Variants in RPS6KA6 observed in about 807,000 individuals in gnomAD.
RPS6KA6 encodes the protein ribosomal protein S6 kinase alpha-6.
In RPS6KA6, 27 loss-of-function variants were observed where a neutral mutation model predicts 65.4. The ratio of observed to expected loss-of-function variants is 0.41; its 90% CI spans 0.30 to 0.57. The LOEUF is 0.57. Among genes scored for constraint, RPS6KA6 ranks in the 20% least tolerant of loss-of-function variants. The probability of loss-of-function intolerance (pLI) is 0.24; values close to 1 mark genes in which losing one functional copy is unlikely to be tolerated. For synonymous variants in RPS6KA6, 190 were observed against 184.2 expected (o/e 1.03, Z -0.26); for missense variants, 486 against 555.6 (o/e 0.87, Z 1.26).
chrX:84,145,257 T>C (rs765089704), intron 6 of RPS6KA6, among the ~76,000 whole-genome samples: 11 of 111,317 alleles, frequency 9.9e-5, no homozygotes, highest in Admixed American at 1.9e-4. Flanking sequence ...GTATCTACTT[T>C]ATCCAGTTAT....
intron 20 of RPS6KA6, among the ~76,000 whole-genome samples, chrX:84,070,833 A>G (rs1238007644): frequency 9.0e-6 from 1 of 111,692 alleles, no homozygotes; most frequent in African/African-American, 3.3e-5. Flanking sequence ...AAATGAAAAA[A>G]TTTCAATAGT....
At chrX:84,129,095 T>C (rs913765431) in intron 8 of RPS6KA6, among the ~76,000 whole-genome samples, 1 of 111,136 alleles carries the variant, frequency 9.0e-6, no homozygotes, top group East Asian at 2.8e-4. Flanking sequence ...AAACTGCCCA[T>C]CTGACAAGGG....
chrX:84,108,561 C>T (rs754733293), intron 12 of RPS6KA6, among the ~76,000 whole-genome samples: 211 of 111,630 alleles, frequency 1.9e-3, no homozygotes, highest in Non-Finnish European at 3.5e-3. Context: ...AGGAGATCTT[C>T]GATGCAGGGA....
intron 9 of RPS6KA6, among the ~76,000 whole-genome samples, chrX:84,119,552 G>A (rs1451059782): frequency 9.0e-6 from 1 of 111,453 alleles, no homozygotes; most frequent in Non-Finnish European, 1.9e-5. Context: ...AAGGTGCTAA[G>A]TTCTGTAACA....
intron 6 of RPS6KA6, among the ~76,000 whole-genome samples, chrX:84,137,996 CA>C (rs1468243031): frequency 9.0e-6 from 1 of 111,706 alleles, no homozygotes; most frequent in Non-Finnish European, 1.9e-5. Context: ...CAATGGTCAA[CA>C]AAATATTTAG....
chrX:84,177,484 C>T (rs764476317), intron 1 of RPS6KA6, among the ~76,000 whole-genome samples: 30 of 111,741 alleles, frequency 2.7e-4, no homozygotes, highest in African/African-American at 9.4e-4. Flanking sequence ...AATTTAAACT[C>T]GGGCATTCTA....
At chrX:84,124,776 TAGAG>T (rs1381086078) in intron 8 of RPS6KA6, among the ~76,000 whole-genome samples, 2 of 111,574 alleles carry the variant, frequency 1.8e-5, no homozygotes, top group South Asian at 3.7e-4. Flanking sequence ...TCCCCAAACC[TAGAG>T]AAAGAAATAA....
intron 1 of RPS6KA6, among the ~76,000 whole-genome samples, chrX:84,173,898 C>T (rs1328819636): frequency 9.0e-6 from 1 of 111,521 alleles, no homozygotes; most frequent in East Asian, 2.8e-4. Flanking sequence ...CACTTTTGGT[C>T]AACGTGAAAT....
intron 1 of RPS6KA6, among the ~76,000 whole-genome samples, chrX:84,183,722 G>C (rs1192220180): frequency 1.8e-5 from 2 of 110,693 alleles, no homozygotes; most frequent in African/African-American, 6.6e-5. Flanking sequence ...CCTTTCATCT[G>C]TCTGTGAAAA....
chrX:84,158,565 C>G (rs1215722110), intron 2 of RPS6KA6, among the ~76,000 whole-genome samples: 1 of 110,893 alleles, frequency 9.0e-6, no homozygotes, highest in African/African-American at 3.3e-5. Flanking sequence ...AGCATATCTT[C>G]CCATACACTG....
Position 84,072,741 on chromosome X carries a change from A to G in RPS6KA6, c.1972-7630T>C, listed in dbSNP as rs185905352. Among the ~76,000 whole-genome samples the G allele has an allele frequency of 1.8e-3, 201 of 111,968 alleles. 2 individuals are homozygous for G. The highest frequency in any genetic ancestry group is 6.3e-3 in the African/African-American group (194 of 30,936). ...ACATACACAAATCACTAGCATTTCTATATGACAAGAGTGAACAGTCTGAAA... is the reference window on the plus strand; with the variant it reads ...ACATACACAAATCACTAGCATTTCTGTATGACAAGAGTGAACAGTCTGAAA... On this transcript the variant is annotated intron_variant, in intron 20 of 21. Coordinates refer to ENST00000262752, the MANE Select transcript of RPS6KA6 (RefSeq NM_014496.5).
intron 3 of RPS6KA6, among the ~76,000 whole-genome samples, chrX:84,150,756 C>A (rs1378156816): frequency 9.8e-6 from 1 of 102,144 alleles, no homozygotes; most frequent in African/African-American, 3.6e-5. Context: ...TGAAACACTG[C>A]AAGAATTACC....
At chrX:84,139,656 C>T (rs995019036) in intron 6 of RPS6KA6, among the ~76,000 whole-genome samples, 3 of 111,932 alleles carry the variant, frequency 2.7e-5, no homozygotes, top group African/African-American at 9.8e-5. Context: ...GGAAGTAAGA[C>T]ATTGAACTAC....
chrX:84,176,608 A>C (rs2035772888), intron 1 of RPS6KA6, among the ~76,000 whole-genome samples: 1 of 112,112 alleles, frequency 8.9e-6, no homozygotes, highest in Non-Finnish European at 1.9e-5. Flanking sequence ...TACAAAGTAC[A>C]ATTGTGTTAC....
At chrX:84,134,760 T>C (rs1556294500) in intron 8 of RPS6KA6, 22 bp downstream of exon 8, 3 of 1,037,132 alleles carry the variant, frequency 2.9e-6, no homozygotes, top group Non-Finnish European at 3.9e-6. Flanking sequence ...TGGCTAAGGG[T>C]ATAATAAGAA....
intron 6 of RPS6KA6, among the ~76,000 whole-genome samples, chrX:84,143,149 C>A (rs778673320): frequency 9.9e-5 from 11 of 110,917 alleles, no homozygotes; most frequent in Non-Finnish European, 2.1e-4. Flanking sequence ...TCCATAAATG[C>A]AAGGTTGGTT....
chrX:84,063,825 A>C lies in RPS6KA6; in HGVS notation c.*452T>G, dbSNP rs981049465. The C allele has an allele frequency of 2.7e-5, 3 of 112,116 alleles. No individual in the cohort carries two copies. Among genetic ancestry groups the C allele is most frequent in the African/African-American group, 9.7e-5 (3 of 30,784 alleles). 9.2% of individuals were successfully genotyped at this position (112,116 alleles called of 1,213,427 possible). ...TACGGAATAACAAGCTTTTATAATA[A>C]GTTTTTGTTGTTTTTCTTTCATTAG... On this transcript the variant is annotated 3_prime_UTR_variant, in exon 22 of 22. Transcript: ENST00000262752.
Position 84,059,843 on chromosome X carries a change from A to G in RPS6KA6, c.*4434T>C, listed in dbSNP as rs2033272842. On this transcript the variant is annotated 3_prime_UTR_variant, in exon 22 of 22. Transcript: ENST00000262752. ...TATATATATTTATTTATAAGCATTT[A>G]GCTAAAATTTATTTAGTGAATAATT... 8.9e-6 allele frequency: 1 copy of G among 112,220 alleles called. No homozygotes were observed. Among genetic ancestry groups the G allele is most frequent in the Non-Finnish European group, 1.9e-5 (1 of 53,251 alleles). The allele number at this position is 112,220 out of a possible 1,213,427, so 9.2% of individuals were successfully genotyped here. A position where few individuals can be genotyped will look rare whatever the true frequency, so the allele number is the denominator to read the frequency against.
rs1291237623 is a variant in RPS6KA6, at chrX:84,188,120, C to T, written c.-221G>A. ...CCGGTGATTCCCATAGAGAAGACAA[C>T]TCTGTGCTGCCTCTCCAAGAGCTGC... On this transcript the variant is annotated 5_prime_UTR_variant, in exon 1 of 22. Transcript: ENST00000262752. 9.0e-6 allele frequency among the ~76,000 whole-genome samples: 1 copy of T among 110,916 alleles called. No individual in the cohort carries two copies.
Sources: gnomAD v4.1 joint callset for allele counts (sites outside exome capture counted in the v4.1 genomes callset) on GRCh38, gnomAD v4.1.1 for gene constraint, MANE v1.5 for transcripts, NCBI Gene and HGNC (gene_info 2026-07-23, HGNC 2026-07-21) for gene names.